MYO5B: variants seen among roughly 807,000 people sequenced by gnomAD.
MYO5B encodes the protein myosin VB.
Under a neutral mutation model 229.3 loss-of-function variants are expected in MYO5B, and 143 were observed. The observed-to-expected ratio is 0.62, with a 90% confidence interval of 0.54 to 0.72. The LOEUF is 0.72. Among genes scored for constraint, MYO5B ranks in the 30% least tolerant of loss-of-function variants. MYO5B has a pLI of 0.00. For missense variants in MYO5B, 2,321 were observed against 2,331.0 expected, an observed-to-expected ratio of 1.00 and a Z score of 0.09; for synonymous variants, 918 against 885.2, an observed-to-expected ratio of 1.04 and a Z score of -0.66.
At chr18:50,034,113 A>C (rs1036332274) in intron 4 of MYO5B, among the ~76,000 whole-genome samples, 1 of 152,214 alleles carries the variant, frequency 6.6e-6, no homozygotes, top group African/African-American at 2.4e-5. Flanking sequence ...TATTAATGTT[A>C]GTTTCTTACA....
intron 14 of MYO5B, among the ~76,000 whole-genome samples, chr18:49,948,225 C>T (rs554370502): frequency 1.3e-5 from 2 of 152,210 alleles, no homozygotes; most frequent in South Asian, 4.1e-4. Context: ...GTGTCTCTTC[C>T]CCAGAATCTT....
chr18:50,078,415 G>C (rs1459932634), intron 1 of MYO5B, among the ~76,000 whole-genome samples: 1 of 152,136 alleles, frequency 6.6e-6, no homozygotes, highest in Non-Finnish European at 1.5e-5. Flanking sequence ...ATGGCAGGAG[G>C]GAGTAGATGC....
chr18:49,912,795 G>T (rs1044086656), intron 17 of MYO5B, among the ~76,000 whole-genome samples: 4 of 152,190 alleles, frequency 2.6e-5, no homozygotes, highest in African/African-American at 9.7e-5. Flanking sequence ...TTTATTAGCA[G>T]CATGAGAACA....
chr18:49,823,414 C>T lies in MYO5B; in HGVS notation c.*3057G>A, dbSNP rs1333357020. 1.3e-5 allele frequency: 2 copies of T among 152,328 alleles called. No homozygotes were observed. Among genetic ancestry groups the T allele is most frequent in the Middle Eastern group, 3.2e-3 (1 of 316 alleles). 9.4% of individuals were successfully genotyped at this position (152,328 alleles called of 1,614,324 possible). A position where few individuals can be genotyped will look rare whatever the true frequency, so the allele number is the denominator to read the frequency against. On this transcript the variant is annotated 3_prime_UTR_variant, in exon 40 of 40. Coordinates refer to ENST00000285039, the MANE Select transcript of MYO5B (RefSeq NM_001080467.3). The stretch of plus-strand genomic sequence containing the variant: ...ATTATACAAATGCCTCAATTTAGGA[C>T]ACCCTTGCTGTCTTAGTAGGTCAAG...
At chr18:49,900,216 A>G (rs908540845) in intron 21 of MYO5B, among the ~76,000 whole-genome samples, 6 of 152,236 alleles carry the variant, frequency 3.9e-5, no homozygotes, top group African/African-American at 1.4e-4. Flanking sequence ...AACAGCCACA[A>G]TAGCCACTGC....
chr18:50,049,045 G>A (rs1210733431), intron 2 of MYO5B, among the ~76,000 whole-genome samples: 1 of 147,928 alleles, frequency 6.8e-6, no homozygotes, highest in Non-Finnish European at 1.5e-5. Flanking sequence ...AAAAAAAAGT[G>A]TGAAGTTGGA....
At chr18:50,043,644 T>C (rs2030134434) in intron 2 of MYO5B, among the ~76,000 whole-genome samples, 1 of 136,304 alleles carries the variant, frequency 7.3e-6, no homozygotes, top group South Asian at 2.2e-4. Flanking sequence ...ATTAAATATA[T>C]TTATAAATAT....
At chr18:49,866,836 C>G (rs1398256191) in intron 27 of MYO5B, among the ~76,000 whole-genome samples, 2 of 152,130 alleles carry the variant, frequency 1.3e-5, no homozygotes, top group Non-Finnish European at 2.9e-5. Flanking sequence ...TCCAGAGTGA[C>G]TGGGGAACAC....
At chr18:50,145,684 A>G (rs563981506) in intron 1 of MYO5B, among the ~76,000 whole-genome samples, 3 of 152,232 alleles carry the variant, frequency 2.0e-5, no homozygotes, top group Admixed American at 2.0e-4. Flanking sequence ...AAATCTCTCA[A>G]AAGATTATTC....
rs549361399 is a variant in MYO5B, at chr18:50,076,732, C to T, written c.28-21354G>A. On this transcript the variant is annotated intron_variant, in intron 1 of 39. Transcript: ENST00000285039. ...CCACTGCCCCCGCTGCCTTCCTGCT[C>T]CTTCTGGAAAAGCCAGAGATGCAGT... Among the ~76,000 whole-genome samples the T allele has an allele frequency of 2.0e-5, 3 of 152,332 alleles. No individual in the cohort carries two copies. In the South Asian group the frequency reaches 6.2e-4, roughly 32 times the overall value.
intron 15 of MYO5B, 27 bp downstream of exon 15, chr18:49,937,218 G>C (rs1195184149): frequency 6.2e-7 from 1 of 1,613,680 alleles, no homozygotes; most frequent in Non-Finnish European, 8.5e-7. Flanking sequence ...ATGCACCTCA[G>C]CCCATAGCTT....
intron 4 of MYO5B, among the ~76,000 whole-genome samples, chr18:50,001,643 G>C (rs910472148): frequency 2.6e-5 from 4 of 152,190 alleles, no homozygotes; most frequent in African/African-American, 9.7e-5. Context: ...TTATGGCCTA[G>C]AGCGAGAGTG....
At chr18:50,089,796 G>A (rs564768894) in intron 1 of MYO5B, among the ~76,000 whole-genome samples, 3 of 152,164 alleles carry the variant, frequency 2.0e-5, no homozygotes, top group Non-Finnish European at 2.9e-5. Context: ...CCAACAAGGC[G>A]ATTCCCTGGG....
chr18:49,929,439 GGGCT>G (rs2025164959), intron 17 of MYO5B, 69 bp downstream of exon 17: 5 of 1,243,074 alleles, frequency 4.0e-6, no homozygotes, highest in Non-Finnish European at 5.7e-6. Flanking sequence ...GGTACACAGA[GGGCT>G]CCCTGGGGAA....
chr18:50,165,666 C>T (rs2032838111), intron 1 of MYO5B, among the ~76,000 whole-genome samples: 1 of 152,110 alleles, frequency 6.6e-6, no homozygotes, highest in Admixed American at 6.6e-5. Context: ...ATCCCAGCTA[C>T]TCAGGAGGCT....
chr18:50,014,607 T>C (rs2026197741), intron 4 of MYO5B, among the ~76,000 whole-genome samples: 1 of 152,320 alleles, frequency 6.6e-6, no homozygotes, highest in East Asian at 1.9e-4. Flanking sequence ...GCCCAGACTC[T>C]CCTTACAGAT....
At chr18:50,181,610 T>C (rs1356022716) in intron 1 of MYO5B, among the ~76,000 whole-genome samples, 1 of 152,236 alleles carries the variant, frequency 6.6e-6, no homozygotes, top group African/African-American at 2.4e-5. Context: ...TTTCATAAGA[T>C]GTATTGATGA....
In MYO5B at chr18:50,171,613, A is replaced by G. The variant is rs763222860; in HGVS notation, c.27+23154T>C. Among the ~76,000 whole-genome samples, 7 of 128,422 alleles carry G rather than the reference A, an allele frequency of 5.5e-5. 2 individuals are homozygous for G. Among genetic ancestry groups the G allele is most frequent in the Admixed American group, 1.7e-4 (2 of 12,068 alleles). 84.2% of individuals were successfully genotyped at this position (128,422 alleles called of 152,430 possible). A position where few individuals can be genotyped will look rare whatever the true frequency, so the allele number is the denominator to read the frequency against. On this transcript the variant is annotated intron_variant, in intron 1 of 39. Transcript: ENST00000285039. ...ATGCTCTGGATATAAGGGAGGCTTC[A>G]ACCTGGCTTGAACAGAAGGGCATTT...
Position 49,823,150 on chromosome 18 carries a change from T to G in MYO5B, c.*3321A>C, listed in dbSNP as rs538422546. ...ATTAGAAATTTTTTGAAAAACAATCTTTTGTATCTAATGACCTTTATAATA... is the reference window on the plus strand; with the variant it reads ...ATTAGAAATTTTTTGAAAAACAATCGTTTGTATCTAATGACCTTTATAATA... On this transcript the variant is annotated 3_prime_UTR_variant, in exon 40 of 40. Transcript: ENST00000285039. The G allele has an allele frequency of 1.2e-3, 180 of 152,398 alleles. No homozygotes were observed. The highest frequency in any genetic ancestry group is 4.2e-3 in the African/African-American group (174 of 41,592). 9.4% of individuals were successfully genotyped at this position (152,398 alleles called of 1,614,324 possible). A position where few individuals can be genotyped will look rare whatever the true frequency, so the allele number is the denominator to read the frequency against.
Sources: allele counts gnomAD v4.1 joint callset (sites outside exome capture counted in the v4.1 genomes callset), GRCh38; gene constraint gnomAD v4.1.1; transcripts MANE v1.5; gene names NCBI Gene and HGNC (gene_info 2026-07-23, HGNC 2026-07-21).